The following MCC variants were observed in gnomAD, a reference collection of about 807,000 sequenced individuals.
MCC encodes MCC regulator of Wnt signaling pathway.
In MCC, 90 loss-of-function variants were observed where a neutral mutation model predicts 116.2. The observed-to-expected ratio is 0.77, with a 90% confidence interval of 0.65 to 0.92. The LOEUF is 0.92. Ranked by LOEUF, MCC falls within the 40% of genes least tolerant of loss-of-function variation. The pLI, the probability that MCC is intolerant of heterozygous loss-of-function variation, is 0.00. For synonymous variants in MCC, 578 were observed against 510.5 expected, an observed-to-expected ratio of 1.13 and a Z score of -1.78; for missense variants, 1,516 against 1,312.2, an observed-to-expected ratio of 1.16 and a Z score of -2.40.
chr5:113,331,143 T>TCATAGATTGCATCACCAGCTCTCA (rs1767687056), intron 3 of MCC, among the ~76,000 whole-genome samples: 1 of 151,940 alleles, frequency 6.6e-6, no homozygotes, highest in African/African-American at 2.4e-5. Flanking sequence ...GTGGAGAGGT[T>TCATAGATTGCATCACCAGCTCTCA]CTGGGTTCCT....
chr5:113,182,528 G>A (rs930501023), intron 3 of MCC, among the ~76,000 whole-genome samples: 6 of 152,042 alleles, frequency 3.9e-5, no homozygotes, highest in East Asian at 3.9e-4. Flanking sequence ...CCTGGGAGGC[G>A]GAGGTTGCAC....
rs1215880970 is a variant in MCC, at chr5:113,023,389, A to G, written c.*3913T>C. 6.6e-6 allele frequency: 1 copy of G among 152,262 alleles called. No homozygotes were observed. The highest frequency in any genetic ancestry group is 2.4e-5 in the African/African-American group (1 of 41,476). The allele number at this position is 152,262 out of a possible 1,614,324, so 9.4% of individuals were successfully genotyped here. A position where few individuals can be genotyped will look rare whatever the true frequency, so the allele number is the denominator to read the frequency against. On this transcript the variant is annotated 3_prime_UTR_variant, in exon 19 of 19. Coordinates refer to ENST00000408903, the MANE Select transcript of MCC (RefSeq NM_001085377.2). ...TTGTCAAATAGGCTGTTCCCACTGG[A>G]TAAGAAAATTTGCTGTATGTTTTCC...
intron 1 of MCC, among the ~76,000 whole-genome samples, chr5:113,425,854 G>T (rs905278994): frequency 6.6e-6 from 1 of 151,992 alleles, no homozygotes; most frequent in African/African-American, 2.4e-5. Flanking sequence ...CCATGCTGGG[G>T]GTGGTGGAAG....
At chr5:113,182,610 A>G (rs949040535) in intron 3 of MCC, among the ~76,000 whole-genome samples, 1 of 152,102 alleles carries the variant, frequency 6.6e-6, no homozygotes, top group African/African-American at 2.4e-5. Flanking sequence ...AAAAAAAAAG[A>G]GCAAGCCTTC....
At chr5:113,239,275 C>T (rs73244767) in intron 3 of MCC, among the ~76,000 whole-genome samples, 15,546 of 152,110 alleles carry the variant, frequency 0.1, 1,280 homozygotes, top group Admixed American at 0.25. Context: ...TCAGTGGGGA[C>T]GGCCCCAGGA....
In MCC at chr5:113,134,944, C is replaced by CTT. The variant is rs1554056937; in HGVS notation, c.884+8272_884+8273dup. Among the ~76,000 whole-genome samples, 202 of 128,264 alleles carry CTT rather than the reference C, an allele frequency of 1.6e-3. 2 individuals carry two copies. The highest frequency in any genetic ancestry group is 2.9e-3 in the Admixed American group (38 of 13,210). 84.1% of individuals were successfully genotyped at this position (128,264 alleles called of 152,430 possible). A position where few individuals can be genotyped will look rare whatever the true frequency, so the allele number is the denominator to read the frequency against. On this transcript the variant is annotated intron_variant, in intron 5 of 18. Coordinates refer to ENST00000408903, the MANE Select transcript of MCC (RefSeq NM_001085377.2). ...TTTTCCTTGTAGAGAACTTTTACTTCTTTTTTTTTTTTTTTTAAACAGAGT... is the reference window on the plus strand; with the variant it reads ...TTTTCCTTGTAGAGAACTTTTACTTCTTTTTTTTTTTTTTTTTTAAACAGAGT...
At chr5:113,117,760 T>C (rs1757477363) in intron 6 of MCC, among the ~76,000 whole-genome samples, 2 of 152,220 alleles carry the variant, frequency 1.3e-5, no homozygotes, top group Admixed American at 6.5e-5. Flanking sequence ...AATGAGTCTG[T>C]GTGCACACAT....
chr5:113,121,784 TC>T (rs1757750344), intron 6 of MCC, among the ~76,000 whole-genome samples: 1 of 152,164 alleles, frequency 6.6e-6, no homozygotes, highest in Non-Finnish European at 1.5e-5. Context: ...TGGTTCTTCT[TC>T]CATCTCTCCC....
rs373533265 is a variant in MCC at position 113,143,305 on chromosome 5, A to G, written c.797T>C (p.Leu266Pro). The G allele has an allele frequency of 1.2e-6, 2 of 1,613,830 alleles. No homozygotes were observed. The highest frequency in any genetic ancestry group is 1.3e-5 in the African/African-American group (1 of 74,894). The change falls in exon 5 of 19, where the codon CTT (leucine) becomes CCT (proline). Residue 266 changes from leucine (L) to proline (P), a missense_variant. Coordinates refer to ENST00000408903, the MANE Select transcript of MCC (RefSeq NM_001085377.2). Reference sequence around the variant, plus strand: ...CTCTGTGATGCGTTCCTCATAGCGAAGTGTCGTTCGCTCCTGGACATCCTC... The same window carrying G: ...CTCTGTGATGCGTTCCTCATAGCGAGGTGTCGTTCGCTCCTGGACATCCTC... ...EHEDVQERTT[L>P]RYEERITELH...
chr5:113,280,293 G>C (rs909689800), intron 3 of MCC, among the ~76,000 whole-genome samples: 2 of 152,100 alleles, frequency 1.3e-5, no homozygotes, highest in African/African-American at 4.8e-5. Context: ...TCACACCGCT[G>C]GTTGATATAA....
chr5:113,066,247 A>G (rs1464889789), intron 13 of MCC, among the ~76,000 whole-genome samples: 1 of 152,224 alleles, frequency 6.6e-6, no homozygotes, highest in Non-Finnish European at 1.5e-5. Context: ...AGGCCTGAAC[A>G]GGTTAAGACA....
At chr5:113,202,468 T>G (rs1762725850) in intron 3 of MCC, among the ~76,000 whole-genome samples, 1 of 152,214 alleles carries the variant, frequency 6.6e-6, no homozygotes, top group Non-Finnish European at 1.5e-5. Flanking sequence ...GCTGCCTATC[T>G]GTTTCGACAA....
intron 5 of MCC, 30 bp downstream of exon 5, chr5:113,143,188 G>A: frequency 6.4e-7 from 1 of 1,568,092 alleles, no homozygotes; most frequent in Non-Finnish European, 8.6e-7. Context: ...AGCAGAAGGG[G>A]CAGAGTAAAA....
chr5:113,280,663 G>A (rs991579305), intron 3 of MCC, among the ~76,000 whole-genome samples: 2 of 152,308 alleles, frequency 1.3e-5, no homozygotes, highest in East Asian at 1.9e-4. Context: ...GTCATCACAG[G>A]AAGAAGGGGC....
intron 1 of MCC, among the ~76,000 whole-genome samples, chr5:113,472,522 G>T (rs1439134827): frequency 2.0e-5 from 3 of 152,092 alleles, no homozygotes; most frequent in East Asian, 3.8e-4. Flanking sequence ...GTATTCCTCT[G>T]TGCCTACAGT....
At chr5:113,092,928 TC>T (rs1755745569) in intron 8 of MCC, among the ~76,000 whole-genome samples, 1 of 152,156 alleles carries the variant, frequency 6.6e-6, no homozygotes, top group Non-Finnish European at 1.5e-5. Context: ...TTGTTTGTGG[TC>T]ATGGGAAATG....
At chr5:113,371,691 T>A (rs1255941553) in intron 2 of MCC, among the ~76,000 whole-genome samples, 1 of 152,210 alleles carries the variant, frequency 6.6e-6, no homozygotes, top group Non-Finnish European at 1.5e-5. Flanking sequence ...CATATAAATT[T>A]AACGGATTTA....
At chr5:113,129,657 A>G (rs946024335) in intron 5 of MCC, among the ~76,000 whole-genome samples, 7 of 152,240 alleles carry the variant, frequency 4.6e-5, no homozygotes, top group Non-Finnish European at 1.0e-4. Context: ...AAACAACCCC[A>G]TCAAAAAGTG....
At chr5:113,066,517 T>A (rs968092734) in intron 13 of MCC, among the ~76,000 whole-genome samples, 1 of 152,192 alleles carries the variant, frequency 6.6e-6, no homozygotes, top group African/African-American at 2.4e-5. Context: ...GATCAGAGCA[T>A]CACTCTCCAT....
Sources: allele counts gnomAD v4.1 joint callset (sites outside exome capture counted in the v4.1 genomes callset), GRCh38; gene constraint gnomAD v4.1.1; transcripts MANE v1.5; gene names NCBI Gene and HGNC (gene_info 2026-07-23, HGNC 2026-07-21).